PDE4D: variants seen among roughly 807,000 people sequenced by gnomAD.
PDE4D encodes phosphodiesterase 4D.
A neutral mutation model predicts 87.4 loss-of-function variants in PDE4D; 24 were observed. The ratio of observed to expected loss-of-function variants is 0.27; its 90% CI spans 0.20 to 0.39. The LOEUF (loss-of-function observed/expected upper bound fraction) is 0.39. PDE4D is among the 10% of genes least tolerant of loss of function. The pLI, the probability that PDE4D is intolerant of heterozygous loss-of-function variation, is 1.00. For missense variants in PDE4D, 714 were observed against 1,041.0 expected, an observed-to-expected ratio of 0.69 and a Z score of 4.32; for synonymous variants, 384 against 383.2, an observed-to-expected ratio of 1.00 and a Z score of -0.02.
chr5:59,548,600 A>ATT (rs1415992525), intron 1 of PDE4D, among the ~76,000 whole-genome samples: 22 of 152,200 alleles, frequency 1.4e-4, no homozygotes, highest in Non-Finnish European at 1.9e-4. Context: ...TACATGTGCT[A>ATT]CAGAGAAAAA....
chr5:59,697,818 A>G lies in PDE4D; in HGVS notation c.455+195350T>C, dbSNP rs142025238. ...AGTTGATTCAGGTCAGGGCAGGTTG[A>G]TATCAGCTAGAATAACCAATGAAAA... On this transcript the variant is annotated intron_variant, in intron 1 of 14. Transcript: ENST00000340635. Among the ~76,000 whole-genome samples the G allele has an allele frequency of 8.7e-3, 1,321 of 152,274 alleles. 10 individuals are homozygous for G. The highest frequency in any genetic ancestry group is 0.014 in the Middle Eastern group (4 of 294).
intron 1 of PDE4D, among the ~76,000 whole-genome samples, chr5:60,317,950 A>C (rs1755798082): frequency 6.6e-6 from 1 of 152,202 alleles, no homozygotes; most frequent in African/African-American, 2.4e-5. Flanking sequence ...GGTACTGAGA[A>C]GATGTATATT....
At chr5:59,756,756 T>C (rs946717090) in intron 1 of PDE4D, among the ~76,000 whole-genome samples, 3 of 151,676 alleles carry the variant, frequency 2.0e-5, no homozygotes, top group African/African-American at 7.3e-5. Context: ...ATTATACAGG[T>C]GGCACTTGTA....
chr5:59,698,379 A>G (rs6895425), intron 1 of PDE4D, among the ~76,000 whole-genome samples: 10,880 of 151,944 alleles, frequency 0.072, 1,200 homozygotes, highest in African/African-American at 0.24. Flanking sequence ...TCTACATTGC[A>G]TGGATATTTG....
At chr5:60,114,694 G>A (rs988085613) in intron 2 of PDE4D, among the ~76,000 whole-genome samples, 1 of 152,058 alleles carries the variant, frequency 6.6e-6, no homozygotes, top group Non-Finnish European at 1.5e-5. Context: ...TCACCAGGCT[G>A]CAAAGGAACT....
rs1472946740 is a variant in PDE4D at position 60,224,531 on chromosome 5, G to C, written c.-89-38844C>G. ...CTTCATTCACATGCCAGTCATCTTG[G>C]TGAGATGGATGGAAGACAGGACTTA... is the stretch of plus-strand genomic sequence containing the variant. On this transcript the variant is annotated intron_variant, in intron 1 of 16. Coordinates refer to the PDE4D transcript ENST00000502484. 1.3e-3 allele frequency among the ~76,000 whole-genome samples: 203 copies of C among 152,020 alleles called. 5 individuals are homozygous for C. The highest frequency in any genetic ancestry group is 0.013 in the Admixed American group (202 of 15,254).
intron 1 of PDE4D, among the ~76,000 whole-genome samples, chr5:60,312,622 A>G (rs1291185007): frequency 6.6e-6 from 1 of 152,182 alleles, no homozygotes; most frequent in African/African-American, 2.4e-5. Flanking sequence ...AGAACTCACT[A>G]TCACAAGAAC....
chr5:59,637,524 G>A (rs189606822), intron 1 of PDE4D, among the ~76,000 whole-genome samples: 170 of 151,768 alleles, frequency 1.1e-3, no homozygotes, highest in Middle Eastern at 3.4e-3. Context: ...TAGACTGGAT[G>A]AAGAAAATGT....
intron 10 of PDE4D, 105 bp downstream of exon 10, chr5:58,989,650 C>T (rs1341499659): frequency 2.5e-5 from 16 of 639,868 alleles, no homozygotes; most frequent in Middle Eastern, 2.6e-4. Flanking sequence ...GTTATACTTC[C>T]AATGAATCCA....
At chr5:59,559,480 G>A (rs1407872277) in intron 1 of PDE4D, among the ~76,000 whole-genome samples, 1 of 152,070 alleles carries the variant, frequency 6.6e-6, no homozygotes, top group African/African-American at 2.4e-5. Flanking sequence ...GTTTGTTTTG[G>A]AGAAGTTTCA....
intron 1 of PDE4D, among the ~76,000 whole-genome samples, chr5:60,331,524 T>C (rs959099934): frequency 2.0e-5 from 3 of 152,208 alleles, no homozygotes; most frequent in Non-Finnish European, 4.4e-5. Context: ...TGGCCTCCCT[T>C]TGTGTGGAAC....
intron 1 of PDE4D, among the ~76,000 whole-genome samples, chr5:60,256,937 A>G (rs1380625581): frequency 6.6e-6 from 1 of 151,922 alleles, no homozygotes; most frequent in Non-Finnish European, 1.5e-5. Flanking sequence ...ACATACACAC[A>G]TGCACCCACA....
At chr5:60,406,513 A>C (rs1376295034) in intron 1 of PDE4D, among the ~76,000 whole-genome samples, 1 of 152,186 alleles carries the variant, frequency 6.6e-6, no homozygotes, top group Non-Finnish European at 1.5e-5. Context: ...GCAAATTGAT[A>C]TATAGTCCTC....
chr5:59,132,387 A>G (rs1307734529), intron 5 of PDE4D, among the ~76,000 whole-genome samples: 1 of 152,186 alleles, frequency 6.6e-6, no homozygotes, highest in East Asian at 1.9e-4. Context: ...TTTCGTAGAA[A>G]TATAGTTATC....
intron 1 of PDE4D, among the ~76,000 whole-genome samples, chr5:59,219,743 C>T (rs76668709): frequency 0.043 from 6,579 of 151,982 alleles, 489 homozygotes; most frequent in African/African-American, 0.15. Flanking sequence ...TACTAAAACA[C>T]GAAATTGTAT....
chr5:60,198,847 A>G (rs567702553), intron 1 of PDE4D, among the ~76,000 whole-genome samples: 1 of 151,734 alleles, frequency 6.6e-6, no homozygotes, highest in Admixed American at 6.6e-5. Context: ...TGGGTTTTTT[A>G]GGAGATCTGG....
chr5:60,230,529 A>G (rs1297928017), intron 1 of PDE4D, among the ~76,000 whole-genome samples: 1 of 152,096 alleles, frequency 6.6e-6, no homozygotes, highest in African/African-American at 2.4e-5. Context: ...TTCACCACCA[A>G]TGTAATTCAT....
intron 1 of PDE4D, among the ~76,000 whole-genome samples, chr5:60,468,839 A>G (rs182722240): frequency 1.3e-4 from 19 of 151,932 alleles, no homozygotes; most frequent in East Asian, 7.8e-4. Flanking sequence ...CTTCCCTCCA[A>G]TCTTGAAGCA....
chr5:59,958,959 A>C (rs1759163253), intron 3 of PDE4D, among the ~76,000 whole-genome samples: 1 of 152,144 alleles, frequency 6.6e-6, no homozygotes, highest in African/African-American at 2.4e-5. Flanking sequence ...TCTCCACCAA[A>C]AGGCTCCTAG....
Sources: gnomAD v4.1 joint callset for allele counts (sites outside exome capture counted in the v4.1 genomes callset) on GRCh38, gnomAD v4.1.1 for gene constraint, MANE v1.5 for transcripts, NCBI Gene and HGNC (gene_info 2026-07-23, HGNC 2026-07-21) for gene names.